PCDHAC1: variants seen among roughly 807,000 people sequenced by gnomAD.
PCDHAC1 encodes protocadherin alpha subfamily C, 1.
A neutral mutation model predicts 60.0 loss-of-function variants in PCDHAC1; 42 were observed. The observed-to-expected ratio is 0.70, with a 90% CI of 0.55 to 0.90. The LOEUF (loss-of-function observed/expected upper bound fraction) is 0.90. Ranked by LOEUF, PCDHAC1 falls within the 40% of genes least tolerant of loss-of-function variation. PCDHAC1 has a pLI of 0.00. For missense variants in PCDHAC1, 1,160 were observed against 1,222.3 expected (o/e 0.95, Z 0.76); for synonymous variants, 468 against 499.3 (o/e 0.94, Z 0.84).
In PCDHAC1 at chr5:140,941,719, C is replaced by G. The variant is rs76426901; in HGVS notation, c.2433+12394C>G. 1.5e-4 allele frequency among the ~76,000 whole-genome samples: 23 copies of G among 152,260 alleles called. No individual in the cohort carries two copies. The East Asian group carries it at 4.0e-3, about 27-fold the overall frequency. ...GGCTTAGCTTTCCTCCACAATTTGT[C>G]CTAGCAGTTCCCCATTATCTTATCA... is the stretch of plus-strand genomic sequence containing the variant. On this transcript the variant is annotated intron_variant, in intron 1 of 3. Coordinates refer to ENST00000253807, the MANE Select transcript of PCDHAC1 (RefSeq NM_018898.5).
intron 3 of PCDHAC1, among the ~76,000 whole-genome samples, chr5:140,986,987 G>A (rs1269328331): frequency 2.6e-5 from 4 of 152,114 alleles, no homozygotes; most frequent in Non-Finnish European, 4.4e-5. Flanking sequence ...GCCAAGGCAG[G>A]CAGATCACTT....
In PCDHAC1 at chr5:141,009,991, T is replaced by G. The variant is rs929729966; in HGVS notation, c.*54T>G. Reference sequence around the variant, plus strand: ...CCAGTTTTTGTAATAATGGCAAATCTCTCCCATGTAGCAATTCCCTGCTCC... The same window carrying G: ...CCAGTTTTTGTAATAATGGCAAATCGCTCCCATGTAGCAATTCCCTGCTCC... On this transcript the variant is annotated 3_prime_UTR_variant, in exon 4 of 4. Coordinates refer to ENST00000253807, the MANE Select transcript of PCDHAC1 (RefSeq NM_018898.5). 13 of 1,578,088 alleles carry G rather than the reference T, an allele frequency of 8.2e-6. No individual in the cohort carries two copies. In the East Asian group the frequency reaches 2.5e-4, roughly 30 times the overall value.
chr5:140,999,368 A>G (rs549083218), intron 3 of PCDHAC1, among the ~76,000 whole-genome samples: 1 of 152,280 alleles, frequency 6.6e-6, no homozygotes, highest in African/African-American at 2.4e-5. Context: ...TCACAATCCC[A>G]TTAGATGGTT....
intron 1 of PCDHAC1, among the ~76,000 whole-genome samples, chr5:140,957,899 A>G (rs551066654): frequency 3.0e-4 from 46 of 152,226 alleles, no homozygotes; most frequent in African/African-American, 1.1e-3. Flanking sequence ...GCATCAACCA[A>G]GGCATATTGT....
chr5:140,994,519 A>G (rs1378534275), intron 3 of PCDHAC1, among the ~76,000 whole-genome samples: 2 of 148,690 alleles, frequency 1.3e-5, no homozygotes, highest in Non-Finnish European at 3.0e-5. Context: ...CCTGGGCAAC[A>G]TGGCAAAACC....
At chr5:140,935,486 A>C (rs1554210536) in intron 1 of PCDHAC1, among the ~76,000 whole-genome samples, 1 of 152,228 alleles carries the variant, frequency 6.6e-6, no homozygotes, top group East Asian at 1.9e-4. Context: ...CTTTTCATTT[A>C]TAAGGCACAT....
chr5:140,935,736 A>G (rs2090532745), intron 1 of PCDHAC1, among the ~76,000 whole-genome samples: 1 of 152,190 alleles, frequency 6.6e-6, no homozygotes, highest in Admixed American at 6.5e-5. Flanking sequence ...TCTAGTATCT[A>G]TTATTCCATA....
intron 3 of PCDHAC1, among the ~76,000 whole-genome samples, chr5:140,985,879 A>G (rs539308826): frequency 6.6e-6 from 1 of 151,504 alleles, no homozygotes; most frequent in Non-Finnish European, 1.5e-5. Context: ...AGCTGGGACT[A>G]CAGGCGCCCG....
chr5:140,931,759 T>C (rs2087738384), intron 1 of PCDHAC1, among the ~76,000 whole-genome samples: 2 of 151,994 alleles, frequency 1.3e-5, no homozygotes, highest in African/African-American at 4.8e-5. Flanking sequence ...GCATTTGTTA[T>C]TTACTTCTTC....
intron 1 of PCDHAC1, among the ~76,000 whole-genome samples, chr5:140,941,235 C>CT: frequency 7.4e-6 from 1 of 135,248 alleles, no homozygotes; most frequent in Non-Finnish European, 1.6e-5. Context: ...TTCTTTCTTT[C>CT]TTTCTTTCTT....
At chr5:140,940,110 T>C (rs2092554073) in intron 1 of PCDHAC1, among the ~76,000 whole-genome samples, 1 of 152,240 alleles carries the variant, frequency 6.6e-6, no homozygotes, top group Admixed American at 6.5e-5. Context: ...CGTTATGTAT[T>C]ATTTACCTCT....
intron 1 of PCDHAC1, chr5:140,968,545 G>C: frequency 6.2e-7 from 1 of 1,614,182 alleles, no homozygotes; most frequent in Non-Finnish European, 8.5e-7. Flanking sequence ...CCTTCGAGAT[G>C]GTGCCTCGAA....
chr5:140,981,699 T>A (rs1162840326), intron 2 of PCDHAC1, among the ~76,000 whole-genome samples: 1 of 151,316 alleles, frequency 6.6e-6, no homozygotes, highest in Non-Finnish European at 1.5e-5. Context: ...CATTCATTCA[T>A]TCATTCATTC....
rs149782026 is a variant in PCDHAC1, at chr5:140,944,645, G to A, written c.2433+15320G>A. ...TAGTGTTGTAAGCCAGTGTGGATTG[G>A]GAGTCCATACCCCTTATTTATCTAT... On this transcript the variant is annotated intron_variant, in intron 1 of 3. Coordinates refer to ENST00000253807, the MANE Select transcript of PCDHAC1 (RefSeq NM_018898.5). Among the ~76,000 whole-genome samples, 728 of 152,260 alleles carry A rather than the reference G, an allele frequency of 4.8e-3. 7 individuals are homozygous for A. The highest frequency in any genetic ancestry group is 0.017 in the African/African-American group (702 of 41,552).
At chr5:141,003,441 A>G (rs184470683) in intron 3 of PCDHAC1, among the ~76,000 whole-genome samples, 25 of 152,240 alleles carry the variant, frequency 1.6e-4, no homozygotes, top group Non-Finnish European at 1.5e-5. Flanking sequence ...CCTCCCAAGT[A>G]GATGAAATTA....
intron 3 of PCDHAC1, among the ~76,000 whole-genome samples, chr5:141,008,870 C>G (rs539100133): frequency 1.4e-4 from 22 of 152,126 alleles, no homozygotes; most frequent in Non-Finnish European, 7.3e-5. Flanking sequence ...ATGCTGCATC[C>G]CACCACCCTT....
At position 140,929,321 on chromosome 5, in the gene PCDHAC1, C is replaced by A. The variant is rs1554206981; in HGVS notation, c.2429C>A (p.Ala810Asp). The A allele has an allele frequency of 6.5e-7, 1 of 1,541,174 alleles. No individual in the cohort carries two copies. The highest frequency in any genetic ancestry group is 8.8e-7 in the Non-Finnish European group (1 of 1,141,638). Reference sequence around the variant, plus strand: ...AAAGGGGATCACGCTAATGTCAATGCCATGGTAAGCAAATTTTATGGAATT... The same window carrying A: ...AAAGGGGATCACGCTAATGTCAATGACATGGTAAGCAAATTTTATGGAATT... ...NRKGDHANVN[A>D]MPRQPNPDWR... The change falls in exon 1 of 4, where the codon GCC becomes GAC. Residue 810 changes from alanine to aspartate, a missense_variant. Physicochemically the swap from Ala to Asp is moderately radical, Grantham distance 126. This residue lies in a region of PCDHAC1 where 1,113 missense variants were observed against 1,163.7 expected (regional missense o/e 0.96). Coordinates refer to ENST00000253807, the MANE Select transcript of PCDHAC1 (RefSeq NM_018898.5).
intron 1 of PCDHAC1, chr5:140,966,755 C>T (rs1554228616): frequency 7.0e-7 from 1 of 1,434,520 alleles, no homozygotes; most frequent in Admixed American, 2.7e-5. Context: ...GCCTCCGCCG[C>T]GGCCAGTGGC....
At chr5:141,009,166 T>C (rs949376056) in intron 3 of PCDHAC1, among the ~76,000 whole-genome samples, 98 of 152,230 alleles carry the variant, frequency 6.4e-4, no homozygotes, top group African/African-American at 2.2e-3. Context: ...CTGTAAATAC[T>C]GGCCTTGGCT....
Sources: gnomAD v4.1 joint callset for allele counts (sites outside exome capture counted in the v4.1 genomes callset) on GRCh38, gnomAD v4.1.1 for gene constraint, gnomAD v4.1.1 regional missense constraint, MANE v1.5 for transcripts, NCBI Gene and HGNC (gene_info 2026-07-23, HGNC 2026-07-21) for gene names.